BMERB1: variants seen among roughly 807,000 people sequenced by gnomAD.
BMERB1 encodes bMERB domain-containing protein 1.
Under a neutral mutation model 23.6 loss-of-function variants are expected in BMERB1, and 12 were observed. The ratio of observed to expected loss-of-function variants is 0.51; its 90% CI spans 0.33 to 0.82. The LOEUF (loss-of-function observed/expected upper bound fraction) is 0.82, where lower values mean the gene tolerates loss of function less well. Ranked by LOEUF, BMERB1 falls within the 40% of genes least tolerant of loss-of-function variation. The pLI, the probability that BMERB1 is intolerant of heterozygous loss-of-function variation, is 0.03. For missense variants in BMERB1, 247 were observed against 255.4 expected (o/e 0.97, Z 0.22); for synonymous variants, 122 against 96.6 (o/e 1.26, Z -1.54).
intron 3 of BMERB1, among the ~76,000 whole-genome samples, chr16:15,579,292 G>A (rs2030948613): frequency 6.6e-6 from 1 of 152,106 alleles, no homozygotes. Flanking sequence ...GAGCGGCTCT[G>A]CGGTGCTGAC....
At chr16:15,512,980 A>G (rs1279716073) in intron 1 of BMERB1, among the ~76,000 whole-genome samples, 6 of 151,958 alleles carry the variant, frequency 3.9e-5, no homozygotes, top group Non-Finnish European at 8.8e-5. Context: ...AAAAAGACAG[A>G]CGCCCTTGTA....
chr16:15,496,749 A>G (rs2051477201), intron 1 of BMERB1, among the ~76,000 whole-genome samples: 1 of 152,156 alleles, frequency 6.6e-6, no homozygotes, highest in Non-Finnish European at 1.5e-5. Flanking sequence ...CATGTTAGCC[A>G]GGATGGTCTT....
intron 2 of BMERB1, among the ~76,000 whole-genome samples, chr16:15,561,146 A>T (rs186174943): frequency 6.6e-6 from 1 of 150,596 alleles, no homozygotes; most frequent in Non-Finnish European, 1.5e-5. Flanking sequence ...TTTAGTAGAG[A>T]CAGGATTTCA....
chr16:15,437,589 C>T (rs1182898376), intron 1 of BMERB1, among the ~76,000 whole-genome samples: 1 of 152,122 alleles, frequency 6.6e-6, no homozygotes, highest in Non-Finnish European at 1.5e-5. Flanking sequence ...AGGAAAATTG[C>T]AGCAAGCACC....
chr16:15,576,130 C>T (rs1175268648), intron 3 of BMERB1, among the ~76,000 whole-genome samples: 2 of 151,512 alleles, frequency 1.3e-5, no homozygotes, highest in African/African-American at 2.4e-5. Context: ...TCTCCGCCTC[C>T]GGGGTTCAAG....
At chr16:15,526,470 C>T (rs1004793256) in intron 2 of BMERB1, among the ~76,000 whole-genome samples, 2 of 152,014 alleles carry the variant, frequency 1.3e-5, no homozygotes, top group East Asian at 1.9e-4. Flanking sequence ...TTGAGACCAT[C>T]CTGGCTAACA....
At chr16:15,512,007 G>A (rs995474653) in intron 1 of BMERB1, among the ~76,000 whole-genome samples, 39 of 41,174 alleles carry the variant, frequency 9.5e-4, no homozygotes, top group African/African-American at 2.9e-3. Flanking sequence ...AGCAAGACTT[G>A]CTCTCAAAAA....
intron 2 of BMERB1, among the ~76,000 whole-genome samples, chr16:15,556,866 G>A (rs2030274775): frequency 6.6e-6 from 1 of 152,234 alleles, no homozygotes; most frequent in Non-Finnish European, 1.5e-5. Flanking sequence ...TTACAGGCGT[G>A]AGCCACCGCG....
intron 2 of BMERB1, among the ~76,000 whole-genome samples, chr16:15,560,932 CTT>C (rs1033013414): frequency 2.7e-5 from 4 of 146,866 alleles, no homozygotes; most frequent in Non-Finnish European, 4.5e-5. Flanking sequence ...ATCATTTTCT[CTT>C]TCCTTTTTTC....
chr16:15,538,149 G>A (rs2052043163), intron 2 of BMERB1, among the ~76,000 whole-genome samples: 1 of 152,124 alleles, frequency 6.6e-6, no homozygotes, highest in Non-Finnish European at 1.5e-5. Flanking sequence ...GCTATACCAG[G>A]TCATTAAAAA....
intron 2 of BMERB1, among the ~76,000 whole-genome samples, chr16:15,562,224 A>C (rs7198597): frequency 0.11 from 15,683 of 149,268 alleles, 2,525 homozygotes; most frequent in African/African-American, 0.35. Context: ...AATCACTTGA[A>C]CCCGGGAGGC....
intron 1 of BMERB1, among the ~76,000 whole-genome samples, chr16:15,475,953 T>A (rs1295315687): frequency 6.6e-6 from 1 of 152,134 alleles, no homozygotes; most frequent in Non-Finnish European, 1.5e-5. Context: ...GACCTCATTC[T>A]CCAGCCCCTC....
intron 5 of BMERB1, among the ~76,000 whole-genome samples, chr16:15,585,425 T>A (rs1379404281): frequency 6.6e-6 from 1 of 152,196 alleles, no homozygotes; most frequent in African/African-American, 2.4e-5. Context: ...ATCTCTGGGA[T>A]CCTAGCAGAT....
rs540960053 is a variant in BMERB1, at chr16:15,537,603, C to G, written c.230+22175C>G. On this transcript the variant is annotated intron_variant, in intron 2 of 5. Coordinates refer to ENST00000300006, the MANE Select transcript of BMERB1 (RefSeq NM_033201.3). The stretch of plus-strand genomic sequence containing the variant: ...TCCTGTCCTCAAATGATCCACCCAC[C>G]TCGGCCTCCCAAAGTGCTGGGATTA... 1.9e-4 allele frequency among the ~76,000 whole-genome samples: 29 copies of G among 152,042 alleles called. No individual in the cohort carries two copies. The East Asian group carries it at 5.1e-3, about 27-fold the overall frequency.
At position 15,567,078 on chromosome 16, in the gene BMERB1, G is replaced by A. The variant is rs181089375; in HGVS notation, c.231-905G>A. 5.3e-3 allele frequency among the ~76,000 whole-genome samples: 809 copies of A among 152,014 alleles called. 19 individuals carry two copies. The highest frequency in any genetic ancestry group is 0.048 in the Admixed American group (725 of 15,250). ...GCTACTCCGTAGGGGGCTGGGGTTG[G>A]GAGGGGTTGTGCAGAGGTGGGAGGA... is the stretch of plus-strand genomic sequence containing the variant. On this transcript the variant is annotated intron_variant, in intron 2 of 5. Transcript: ENST00000300006.
intron 2 of BMERB1, among the ~76,000 whole-genome samples, chr16:15,519,074 TACAC>T (rs145892599): frequency 0.021 from 3,010 of 140,582 alleles, 40 homozygotes; most frequent in Non-Finnish European, 0.03. Context: ...ACAATCCTCT[TACAC>T]ACACACACAC....
At chr16:15,568,469 C>T (rs12935836) in intron 3 of BMERB1, among the ~76,000 whole-genome samples, 1,692 of 152,180 alleles carry the variant, frequency 0.011, 12 homozygotes, top group Non-Finnish European at 0.017. Flanking sequence ...AAAACCCCAT[C>T]TCTACTAAAA....
chr16:15,446,000 G>A (rs893130448), intron 1 of BMERB1, among the ~76,000 whole-genome samples: 1 of 152,120 alleles, frequency 6.6e-6, no homozygotes, highest in African/African-American at 2.4e-5. Context: ...AAAGAAAAGA[G>A]TACATACTGT....
intron 2 of BMERB1, among the ~76,000 whole-genome samples, chr16:15,532,340 T>A (rs911895694): frequency 6.0e-5 from 9 of 151,060 alleles, no homozygotes; most frequent in African/African-American, 2.2e-4. Context: ...CAAGCGATTC[T>A]CCTGCCTCAG....
Sources: gnomAD v4.1 joint callset for allele counts (sites outside exome capture counted in the v4.1 genomes callset) on GRCh38, gnomAD v4.1.1 for gene constraint, MANE v1.5 for transcripts, NCBI Gene and HGNC (gene_info 2026-07-23, HGNC 2026-07-21) for gene names.